ZMYM5: variants seen among roughly 807,000 people sequenced by gnomAD.
ZMYM5 encodes the protein zinc finger MYM-type containing 5, also known as zinc finger MYM-type protein 5.
ZMYM5 carries 41 observed loss-of-function variants against 61.8 expected under a neutral mutation model. The observed-to-expected ratio is 0.66, with a 90% confidence interval of 0.52 to 0.86. The LOEUF is 0.86. Among genes scored for constraint, ZMYM5 ranks in the 40% least tolerant of loss-of-function variants. The pLI, the probability that ZMYM5 is intolerant of heterozygous loss-of-function variation, is 0.00. For missense variants in ZMYM5, 706 were observed against 786.7 expected, an observed-to-expected ratio of 0.90 and a Z score of 1.23; for synonymous variants, 257 against 276.4, an observed-to-expected ratio of 0.93 and a Z score of 0.70.
chr13:19,853,612 C>T (rs1328106894), intron 2 of ZMYM5, among the ~76,000 whole-genome samples: 1 of 149,090 alleles, frequency 6.7e-6, no homozygotes, highest in Non-Finnish European at 1.5e-5. Context: ...TTTTTTTTTT[C>T]TTTCTTTTTT....
chr13:19,860,438 GTGTGTGTGTA>G (rs1236202093), intron 2 of ZMYM5, among the ~76,000 whole-genome samples: 72 of 101,402 alleles, frequency 7.1e-4, no homozygotes, highest in East Asian at 6.0e-3. Context: ...TTTTGTGTGT[GTGTGTGTGTA>G]TGTGTGTGTG....
chr13:19,834,701 T>TTA (rs1435422203), intron 7 of ZMYM5, among the ~76,000 whole-genome samples: 1 of 123,800 alleles, frequency 8.1e-6, no homozygotes, highest in African/African-American at 3.5e-5. Context: ...AACCTTTTTC[T>TTA]TTTTTTTGAG....
intron 7 of ZMYM5, 147 bp from the exon 8 acceptor site, chr13:19,825,382 T>A (rs1443171705): frequency 2.6e-6 from 2 of 774,380 alleles, no homozygotes; most frequent in Admixed American, 4.3e-5. Context: ...CGGTGGTTCA[T>A]GCCTGTAATC....
At chr13:19,834,797 C>T (rs1467145529) in intron 7 of ZMYM5, among the ~76,000 whole-genome samples, 2 of 151,984 alleles carry the variant, frequency 1.3e-5, no homozygotes, top group African/African-American at 2.4e-5. Flanking sequence ...CAAGTGATTC[C>T]TATGCCTCAG....
Position 19,824,378 on chromosome 13 carries a change from G to C in ZMYM5, c.*99C>G. ...AGGAACTGCTGCAAGTTACTCTGTA[G>C]AGGAGACTTACAACACAATAGTACT... On this transcript the variant is annotated 3_prime_UTR_variant, in exon 8 of 8. Transcript: ENST00000337963. The C allele has an allele frequency of 9.4e-7, 1 of 1,062,970 alleles. No homozygotes were observed. Among genetic ancestry groups the C allele is most frequent in the African/African-American group, 1.7e-5 (1 of 59,924 alleles). The allele number at this position is 1,062,970 out of a possible 1,614,324, so 65.8% of individuals were successfully genotyped here.
At chr13:19,853,369 G>A (rs576783041) in intron 2 of ZMYM5, among the ~76,000 whole-genome samples, 3 of 152,240 alleles carry the variant, frequency 2.0e-5, no homozygotes, top group East Asian at 3.9e-4. Flanking sequence ...TATCTCAACT[G>A]AAAGAAGGCA....
chr13:19,844,016 T>C (rs1036926604), intron 4 of ZMYM5, among the ~76,000 whole-genome samples: 4 of 151,454 alleles, frequency 2.6e-5, no homozygotes, highest in African/African-American at 9.7e-5. Context: ...CAGGCGCCTG[T>C]AGTCCCAGCT....
chr13:19,827,670 C>G (rs1890977440), intron 7 of ZMYM5, among the ~76,000 whole-genome samples: 1 of 151,948 alleles, frequency 6.6e-6, no homozygotes, highest in East Asian at 1.9e-4. Flanking sequence ...GTAATAAAGA[C>G]ACATTACCTA....
intron 7 of ZMYM5, among the ~76,000 whole-genome samples, chr13:19,831,556 G>A (rs1395115316): frequency 6.6e-6 from 1 of 151,736 alleles, no homozygotes; most frequent in African/African-American, 2.4e-5. Flanking sequence ...CAACACTTTG[G>A]GAGCCGAGGC....
At chr13:19,846,891 C>T (rs1328030150) in intron 4 of ZMYM5, among the ~76,000 whole-genome samples, 3 of 151,938 alleles carry the variant, frequency 2.0e-5, no homozygotes, top group African/African-American at 7.3e-5. Flanking sequence ...CATGGCACTG[C>T]ACTCTAGTCT....
intron 4 of ZMYM5, 127 bp downstream of exon 4, chr13:19,851,228 A>G: frequency 3.2e-6 from 3 of 928,132 alleles, no homozygotes; most frequent in South Asian, 3.2e-5. Flanking sequence ...TCCAAAAACA[A>G]ACAAACAAAC....
At chr13:19,860,051 C>G (rs1288120074) in intron 2 of ZMYM5, among the ~76,000 whole-genome samples, 3 of 138,274 alleles carry the variant, frequency 2.2e-5, no homozygotes, top group Non-Finnish European at 4.6e-5. Flanking sequence ...TTGCAGTGAG[C>G]CTAGATCACG....
intron 6 of ZMYM5, chr13:19,837,406 A>C: frequency 6.7e-7 from 1 of 1,484,716 alleles, no homozygotes; most frequent in African/African-American, 1.5e-5. Context: ...ATCCACCATA[A>C]AACAATTGCC....
Position 19,823,877 on chromosome 13 carries a change from T to G in ZMYM5, c.*600A>C, listed in dbSNP as rs1890780298. 6.6e-6 allele frequency: 1 copy of G among 152,302 alleles called. No homozygotes were observed. The highest frequency in any genetic ancestry group is 6.5e-5 in the Admixed American group (1 of 15,270). 9.4% of individuals were successfully genotyped at this position (152,302 alleles called of 1,614,324 possible). On this transcript the variant is annotated 3_prime_UTR_variant, in exon 8 of 8. Transcript: ENST00000337963. Reference sequence around the variant, plus strand: ...CTTTTGAGACTGACTCTCGCTCTGTTGCTCAGGCTGGACTGCAGTGGTGCA... The same window carrying G: ...CTTTTGAGACTGACTCTCGCTCTGTGGCTCAGGCTGGACTGCAGTGGTGCA...
At chr13:19,851,666 CTA>C in intron 3 of ZMYM5, 21 bp downstream of exon 3, 1 of 1,557,128 alleles carries the variant, frequency 6.4e-7, no homozygotes, top group East Asian at 2.2e-5. Context: ...AGTGATACCA[CTA>C]TTACCCATTC....
rs532725853 is a variant in ZMYM5 at position 19,852,038 on chromosome 13, T to C, written c.143A>G (p.Asn48Ser). 1 of 1,613,976 alleles carries C rather than the reference T, an allele frequency of 6.2e-7. No homozygotes were observed. Among genetic ancestry groups the C allele is most frequent in the African/African-American group, 1.3e-5 (1 of 75,044 alleles). ...ATCATCATCATCTTCCACTGGTGAGTTCCTAGATCTACTGACTAAAGGACA... is the reference window on the plus strand; with the variant it reads ...ATCATCATCATCTTCCACTGGTGAGCTCCTAGATCTACTGACTAAAGGACA... ...PACPLVSRSRNSPVEDDDDDD... is the reference protein window; with the variant it reads ...PACPLVSRSRSSPVEDDDDDD... The change falls in exon 3 of 8, where the codon AAC becomes AGC. Residue 48 changes from asparagine (N) to serine (S), a missense_variant. This residue lies in a region of ZMYM5 where 480 missense variants were observed against 461.7 expected (regional missense o/e 1.04). Coordinates refer to ENST00000337963, the MANE Select transcript of ZMYM5 (RefSeq NM_001142684.2).
chr13:19,824,545 T>C lies in ZMYM5; in HGVS notation c.1942A>G (p.Ile648Val), dbSNP rs1319872260. ...LKSDLKKNKAIDAAEHRLYEN... is the reference protein window; with the variant it reads ...LKSDLKKNKAVDAAEHRLYEN... ...TATAATCTGTGTTCTGCAGCATCAA[T>C]AGCTTTATTTTTTTTCAGATCAGAT... Residue 648 changes from isoleucine (I) to valine (V), a missense_variant, in exon 8 of 8, where the codon ATT becomes GTT. Around this residue, in one of 2 missense-constraint regions of ZMYM5, gnomAD observed 226 missense variants for 325.0 expected, o/e 0.70. Transcript: ENST00000337963. 7.5e-6 allele frequency: 10 copies of C among 1,330,196 alleles called. No individual in the cohort carries two copies. The African/African-American group carries it at 1.5e-4, about 20-fold the overall frequency. 82.4% of individuals were successfully genotyped at this position (1,330,196 alleles called of 1,614,324 possible).
intron 7 of ZMYM5, among the ~76,000 whole-genome samples, chr13:19,831,782 T>G (rs1376968782): frequency 1.2e-5 from 1 of 80,424 alleles, no homozygotes; most frequent in African/African-American, 4.7e-5. Flanking sequence ...AGAGAGACTC[T>G]GTCTCAAAAA....
At position 19,838,868 on chromosome 13, in the gene ZMYM5, T is replaced by G. The variant is rs763535179; in HGVS notation, c.704A>C (p.Gln235Pro). The G allele has an allele frequency of 6.2e-6, 10 of 1,613,730 alleles. 1 individual carries two copies. The highest frequency in any genetic ancestry group is 2.2e-5 in the South Asian group (2 of 91,080). ...AGTGATTTTAGCTGGTTTAGTAAGT[T>G]GTTGTTGGGCTGTAGGCTGGAAATT... ...KQNFQPTAQQ[Q>P]LTKPAKITCA... The change falls in exon 5 of 8, where the codon CAA becomes CCA. Residue 235 changes from glutamine to proline, a missense_variant. By Grantham distance (76) the Gln-to-Pro change is moderately conservative. Coordinates refer to ENST00000337963, the MANE Select transcript of ZMYM5 (RefSeq NM_001142684.2).
Sources: gnomAD v4.1 joint callset for allele counts (sites outside exome capture counted in the v4.1 genomes callset) on GRCh38, gnomAD v4.1.1 for gene constraint, gnomAD v4.1.1 regional missense constraint, MANE v1.5 for transcripts, NCBI Gene and HGNC (gene_info 2026-07-23, HGNC 2026-07-21) for gene names.